NFIB: variants seen among roughly 807,000 people sequenced by gnomAD.
NFIB encodes the protein nuclear factor I B.
Under a neutral mutation model 61.5 loss-of-function variants are expected in NFIB, and 11 were observed. That is an observed-to-expected ratio of 0.18 (90% CI 0.11 to 0.30). NFIB has a LOEUF of 0.30. Ranked by LOEUF, NFIB falls within the 10% of genes least tolerant of loss-of-function variation. NFIB has a pLI of 1.00. For synonymous variants in NFIB, 260 were observed against 216.5 expected, an observed-to-expected ratio of 1.20 and a Z score of -1.76; for missense variants, 471 against 608.9, an observed-to-expected ratio of 0.77 and a Z score of 2.38.
chr9:14,284,056 C>T (rs1179712198), intron 2 of NFIB, among the ~76,000 whole-genome samples: 1 of 152,024 alleles, frequency 6.6e-6, no homozygotes, highest in Non-Finnish European at 1.5e-5. Flanking sequence ...GGAATATGAG[C>T]TGGGAAGGGG....
chr9:14,197,950 A>G (rs1366923285), intron 2 of NFIB, among the ~76,000 whole-genome samples: 1 of 152,172 alleles, frequency 6.6e-6, no homozygotes, highest in Non-Finnish European at 1.5e-5. Flanking sequence ...GCTTAGGAAG[A>G]AAGTGCTATG....
In NFIB at chr9:14,189,148, C is replaced by T. The variant is rs75242739; in HGVS notation, c.563-9368G>A. ...GAGTCTTCACGCATTATTCTAAATC[C>T]CACACATACAACACTCCTGTGTACA... On this transcript the variant is annotated intron_variant, in intron 2 of 10. Transcript: ENST00000380953. Among the ~76,000 whole-genome samples, 1,288 of 152,218 alleles carry T rather than the reference C, an allele frequency of 8.5e-3. 7 individuals carry two copies. Among genetic ancestry groups the T allele is most frequent in the Non-Finnish European group, 0.013 (880 of 68,014 alleles).
chr9:14,236,034 A>G (rs1210041383), intron 2 of NFIB, among the ~76,000 whole-genome samples: 1 of 152,160 alleles, frequency 6.6e-6, no homozygotes, highest in African/African-American at 2.4e-5. Context: ...AGTGTACAGG[A>G]TATTTTTTAA....
chr9:14,373,093 A>G (rs2061377627), intron 1 of NFIB, among the ~76,000 whole-genome samples: 1 of 152,194 alleles, frequency 6.6e-6, no homozygotes, highest in Non-Finnish European at 1.5e-5. Context: ...GGTCAGGGAC[A>G]ATGACAATCA....
intron 6 of NFIB, among the ~76,000 whole-genome samples, chr9:14,143,181 T>G (rs896760553): frequency 2.0e-5 from 3 of 152,118 alleles, no homozygotes; most frequent in Non-Finnish European, 2.9e-5. Context: ...ACTTTTTGTT[T>G]TGAAAAGAAA....
chr9:14,177,443 T>C (rs891776264), intron 3 of NFIB, among the ~76,000 whole-genome samples: 12 of 152,114 alleles, frequency 7.9e-5, no homozygotes, highest in Non-Finnish European at 1.6e-4. Context: ...CTTAAGCTCA[T>C]AAAAAATTCT....
At chr9:14,230,964 A>C (rs2053057907) in intron 2 of NFIB, among the ~76,000 whole-genome samples, 1 of 147,114 alleles carries the variant, frequency 6.8e-6, no homozygotes, top group Non-Finnish European at 1.5e-5. Context: ...CTGGTGGCGA[A>C]AGGCAAAGGG....
At chr9:14,150,871 T>TGTG (rs761286143) in intron 4 of NFIB, among the ~76,000 whole-genome samples, 2 of 152,148 alleles carry the variant, frequency 1.3e-5, no homozygotes, top group Non-Finnish European at 2.9e-5. Context: ...AGGTGATGGA[T>TGTG]ACCCCATTTA....
intron 6 of NFIB, among the ~76,000 whole-genome samples, chr9:14,138,261 G>A (rs2041296065): frequency 6.6e-6 from 1 of 152,072 alleles, no homozygotes; most frequent in Non-Finnish European, 1.5e-5. Flanking sequence ...ACCACAAATG[G>A]CAATAGAATC....
chr9:14,347,041 T>C (rs2061032856), intron 1 of NFIB, among the ~76,000 whole-genome samples: 1 of 151,610 alleles, frequency 6.6e-6, no homozygotes, highest in African/African-American at 2.4e-5. Flanking sequence ...AGGGAGCCCC[T>C]GGCCCCCACT....
chr9:14,322,752 C>T (rs956646960), intron 1 of NFIB, among the ~76,000 whole-genome samples: 5 of 151,804 alleles, frequency 3.3e-5, no homozygotes, highest in Admixed American at 1.3e-4. Flanking sequence ...GTGGGTGTGG[C>T]GGCCTGCGCC....
At chr9:14,387,515 G>T (rs1381079997) in intron 1 of NFIB, among the ~76,000 whole-genome samples, 2 of 152,114 alleles carry the variant, frequency 1.3e-5, no homozygotes, top group African/African-American at 2.4e-5. Context: ...AAAAATCAGT[G>T]AGAAGAAGAA....
chr9:14,418,812 C>A, the NFIB span, among the ~76,000 whole-genome samples: 1 of 152,116 alleles, frequency 6.6e-6, no homozygotes, highest in Non-Finnish European at 1.5e-5. Context: ...TAGGCTTGCA[C>A]AATTATTTTT....
chr9:14,412,135 AC>A, the NFIB span, among the ~76,000 whole-genome samples: 1 of 152,196 alleles, frequency 6.6e-6, no homozygotes, highest in Non-Finnish European at 1.5e-5. Context: ...TCTGTATGAG[AC>A]AAGAGATATG....
At chr9:14,467,845 A>C in the NFIB span, among the ~76,000 whole-genome samples, 1 of 152,184 alleles carries the variant, frequency 6.6e-6, no homozygotes, top group Non-Finnish European at 1.5e-5. Flanking sequence ...TATGGAAGAC[A>C]CTGTTGTCCC....
the NFIB span, among the ~76,000 whole-genome samples, chr9:14,473,310 A>T: frequency 1.2e-4 from 18 of 152,352 alleles, no homozygotes; most frequent in African/African-American, 4.1e-4. Context: ...ATCAATGGTC[A>T]TTTGACACAC....
chr9:14,296,292 T>G (rs994547632), intron 2 of NFIB, among the ~76,000 whole-genome samples: 3 of 152,254 alleles, frequency 2.0e-5, no homozygotes, highest in African/African-American at 7.2e-5. Flanking sequence ...AGCAACACAG[T>G]GAAGTAGGCA....
At chr9:14,370,722 C>G (rs532013442) in intron 1 of NFIB, among the ~76,000 whole-genome samples, 1 of 152,342 alleles carries the variant, frequency 6.6e-6, no homozygotes, top group South Asian at 2.1e-4. Flanking sequence ...GACTTTCTTA[C>G]CCTGTTATGG....
At chr9:14,285,952 G>A (rs1247135406) in intron 2 of NFIB, among the ~76,000 whole-genome samples, 1 of 150,932 alleles carries the variant, frequency 6.6e-6, no homozygotes, top group Non-Finnish European at 1.5e-5. Flanking sequence ...TTAAAAAATG[G>A]CAAAAACAAG....
Sources: gnomAD v4.1 joint callset for allele counts (sites outside exome capture counted in the v4.1 genomes callset) on GRCh38, gnomAD v4.1.1 for gene constraint, MANE v1.5 for transcripts, NCBI Gene and HGNC (gene_info 2026-07-23, HGNC 2026-07-21) for gene names.